The following CLMP variants were observed in gnomAD, a reference collection of about 807,000 sequenced individuals.
CLMP encodes CXADR-like membrane protein.
In CLMP, 27 loss-of-function variants were observed where a neutral mutation model predicts 45.2. The ratio of observed to expected loss-of-function variants is 0.60; its 90% CI spans 0.44 to 0.82. The LOEUF (loss-of-function observed/expected upper bound fraction) is 0.82. CLMP is among the 40% of genes least tolerant of loss of function. The probability of loss-of-function intolerance (pLI) is 0.00; values close to 1 mark genes in which losing one functional copy is unlikely to be tolerated. For synonymous variants in CLMP, 167 were observed against 171.4 expected (o/e 0.97, Z 0.20); for missense variants, 403 against 448.4 (o/e 0.90, Z 0.91).
At chr11:123,169,725 C>T (rs1158098050) in intron 1 of CLMP, among the ~76,000 whole-genome samples, 1 of 152,168 alleles carries the variant, frequency 6.6e-6, no homozygotes, top group East Asian at 1.9e-4. Flanking sequence ...AACATATGCT[C>T]AAGGTTGTAG....
chr11:123,103,914 C>T (rs1860494497), intron 1 of CLMP, among the ~76,000 whole-genome samples: 1 of 150,502 alleles, frequency 6.6e-6, no homozygotes, highest in Non-Finnish European at 1.5e-5. Flanking sequence ...ACTGCAACCT[C>T]TGCCTCCCAG....
chr11:123,096,918 C>T (rs1224211015), intron 2 of CLMP, among the ~76,000 whole-genome samples: 1 of 151,982 alleles, frequency 6.6e-6, no homozygotes, highest in African/African-American at 2.4e-5. Flanking sequence ...TCAAGCGATC[C>T]TTCTGCACTC....
chr11:123,152,539 T>G (rs1364466032), intron 1 of CLMP, among the ~76,000 whole-genome samples: 1 of 148,922 alleles, frequency 6.7e-6, no homozygotes, highest in East Asian at 2.0e-4. Flanking sequence ...AATAAATAAA[T>G]AAATAAATAA....
chr11:123,081,033 C>G lies in CLMP; in HGVS notation c.679+2052G>C, dbSNP rs188689969. ...TGGTGGCACACACCTGTAGTCCCAG[C>G]TACTCGCTACTCGGGAGGCTGAAGC... On this transcript the variant is annotated intron_variant, in intron 5 of 6. Transcript: ENST00000448775. 2.7e-4 allele frequency among the ~76,000 whole-genome samples: 41 copies of G among 152,008 alleles called. 1 individual carries two copies. The highest frequency in any genetic ancestry group is 1.0e-3 in the South Asian group (5 of 4,812).
intron 1 of CLMP, among the ~76,000 whole-genome samples, chr11:123,128,035 CAA>C (rs35399534): frequency 4.1e-4 from 38 of 91,794 alleles, no homozygotes; most frequent in Middle Eastern, 6.0e-3. Context: ...GACTCTGTCT[CAA>C]AAAAAAAAAA....
chr11:123,129,944 C>T (rs935378862), intron 1 of CLMP, among the ~76,000 whole-genome samples: 3 of 150,042 alleles, frequency 2.0e-5, no homozygotes, highest in East Asian at 1.9e-4. Context: ...AGGCTCCAGA[C>T]GTAAGAAACT....
chr11:123,145,064 A>T (rs1047649361), intron 1 of CLMP, among the ~76,000 whole-genome samples: 10 of 152,168 alleles, frequency 6.6e-5, no homozygotes, highest in African/African-American at 2.4e-4. Flanking sequence ...AGTGTAAAAA[A>T]TCTTGTTAGT....
intron 5 of CLMP, among the ~76,000 whole-genome samples, chr11:123,082,084 CACGTGTGTGTGCATGAGCACATGCACAT>C (rs906886062): frequency 1.3e-5 from 2 of 152,182 alleles, no homozygotes; most frequent in Admixed American, 1.3e-4. Context: ...CACATGTACA[CACGTGTGTGTGCATGAGCACATGCACAT>C]ACACACTCAC....
In CLMP at chr11:123,069,980, TA is replaced by T. The variant is rs1230029799; in HGVS notation, c.*3493del. On this transcript the variant is annotated 3_prime_UTR_variant, in exon 7 of 7. Transcript: ENST00000448775. ...CCCAATTACAAGGCAACTTAGAAGT[TA>T]AAACTGAAACTGAAATATAAACAGC... is the stretch of plus-strand genomic sequence containing the variant. The T allele has an allele frequency of 1.3e-5, 2 of 152,224 alleles. No homozygotes were observed. Among genetic ancestry groups the T allele is most frequent in the Non-Finnish European group, 2.9e-5 (2 of 68,030 alleles). 9.4% of individuals were successfully genotyped at this position (152,224 alleles called of 1,614,324 possible). A position where few individuals can be genotyped will look rare whatever the true frequency, so the allele number is the denominator to read the frequency against.
intron 1 of CLMP, among the ~76,000 whole-genome samples, chr11:123,168,053 G>A (rs993899463): frequency 6.6e-6 from 1 of 152,220 alleles, no homozygotes; most frequent in Non-Finnish European, 1.5e-5. Context: ...AGGGATGCCA[G>A]CCTGCCATGG....
intron 1 of CLMP, among the ~76,000 whole-genome samples, chr11:123,103,694 C>T (rs1038889009): frequency 3.3e-4 from 50 of 151,118 alleles, no homozygotes; most frequent in Admixed American, 1.4e-3. Context: ...CCTTCTGTCC[C>T]TTTTTTTTTC....
At chr11:123,173,361 C>A (rs566387160) in intron 1 of CLMP, among the ~76,000 whole-genome samples, 2 of 152,322 alleles carry the variant, frequency 1.3e-5, no homozygotes, top group Admixed American at 1.3e-4. Flanking sequence ...GCCAGTCAGA[C>A]CACAAAGTGA....
intron 1 of CLMP, among the ~76,000 whole-genome samples, chr11:123,145,403 C>T (rs1188435678): frequency 6.6e-6 from 1 of 150,772 alleles, no homozygotes; most frequent in African/African-American, 2.4e-5. Flanking sequence ...ACTTGCACGT[C>T]ACAGACTTTG....
intron 1 of CLMP, among the ~76,000 whole-genome samples, chr11:123,189,269 T>G (rs933760915): frequency 6.6e-6 from 1 of 152,204 alleles, no homozygotes; most frequent in Non-Finnish European, 1.5e-5. Flanking sequence ...CACAGAGCCT[T>G]GATTTCAGAA....
intron 5 of CLMP, among the ~76,000 whole-genome samples, chr11:123,076,244 T>C (rs1865739190): frequency 2.0e-5 from 3 of 152,200 alleles, no homozygotes; most frequent in South Asian, 2.1e-4. Flanking sequence ...GAATTTGACA[T>C]TGGATCCTAG....
intron 1 of CLMP, among the ~76,000 whole-genome samples, chr11:123,124,703 G>A (rs140547948): frequency 1.3e-4 from 20 of 152,248 alleles, no homozygotes; most frequent in Admixed American, 3.3e-4. Context: ...TGAACAAAAC[G>A]GATATTCTCC....
At chr11:123,097,100 C>G (rs142891136) in intron 2 of CLMP, among the ~76,000 whole-genome samples, 205 of 152,270 alleles carry the variant, frequency 1.3e-3, no homozygotes, top group Middle Eastern at 3.4e-3. Flanking sequence ...AGTTCACCCC[C>G]CTCAGGCTCC....
chr11:123,115,032 C>T (rs1056091533), intron 1 of CLMP, among the ~76,000 whole-genome samples: 1 of 152,102 alleles, frequency 6.6e-6, no homozygotes, highest in Non-Finnish European at 1.5e-5. Flanking sequence ...GTTTTCTACT[C>T]TTGGTCATCT....
intron 1 of CLMP, among the ~76,000 whole-genome samples, chr11:123,124,305 C>T (rs75059925): frequency 0.029 from 4,419 of 152,164 alleles, 84 homozygotes; most frequent in African/African-American, 0.05. Flanking sequence ...CATGAACTAC[C>T]ACGCACAGCT....
Sources: allele counts gnomAD v4.1 joint callset (sites outside exome capture counted in the v4.1 genomes callset), GRCh38; gene constraint gnomAD v4.1.1; transcripts MANE v1.5; gene names NCBI Gene and HGNC (gene_info 2026-07-23, HGNC 2026-07-21).